TMOD3: variants seen among roughly 807,000 people sequenced by gnomAD.
TMOD3 encodes tropomodulin-3.
Under a neutral mutation model 39.2 loss-of-function variants are expected in TMOD3, and 20 were observed. The observed-to-expected ratio is 0.51, with a 90% confidence interval of 0.36 to 0.74. The LOEUF (loss-of-function observed/expected upper bound fraction) is 0.74, where lower values mean the gene tolerates loss of function less well. Among genes scored for constraint, TMOD3 ranks in the 30% least tolerant of loss-of-function variants. TMOD3 has a pLI of 0.00. For synonymous variants in TMOD3, 143 were observed against 145.8 expected (o/e 0.98, Z 0.14); for missense variants, 381 against 412.8 (o/e 0.92, Z 0.67).
At chr15:51,853,152 C>T (rs2056370737) in intron 1 of TMOD3, among the ~76,000 whole-genome samples, 1 of 152,142 alleles carries the variant, frequency 6.6e-6, no homozygotes, top group South Asian at 2.1e-4. Flanking sequence ...TCTTGGTGAA[C>T]ATTGAGAAGA....
At chr15:51,887,509 A>T in intron 3 of TMOD3, 80 bp from the exon 4 acceptor site, 2 of 1,433,130 alleles carry the variant, frequency 1.4e-6, no homozygotes, top group Non-Finnish European at 1.9e-6. Context: ...GTTCAGTTGT[A>T]CATGCTTTGG....
intron 1 of TMOD3, among the ~76,000 whole-genome samples, chr15:51,839,569 G>A (rs773431881): frequency 2.7e-5 from 4 of 149,088 alleles, no homozygotes; most frequent in African/African-American, 7.4e-5. Flanking sequence ...TTTTTTTTTC[G>A]AGACAGGCTT....
At chr15:51,893,004 TATG>T (rs2056601570) in intron 5 of TMOD3, among the ~76,000 whole-genome samples, 2 of 152,134 alleles carry the variant, frequency 1.3e-5, no homozygotes, top group Non-Finnish European at 2.9e-5. Flanking sequence ...GTGCTTTAAA[TATG>T]TGTCAAGGCC....
chr15:51,846,162 A>C (rs2056334814), intron 1 of TMOD3, among the ~76,000 whole-genome samples: 1 of 151,340 alleles, frequency 6.6e-6, no homozygotes, highest in African/African-American at 2.4e-5. Context: ...CCAAAAAAAA[A>C]AAAAATACAA....
At chr15:51,885,742 C>G (rs977891553) in intron 3 of TMOD3, among the ~76,000 whole-genome samples, 1 of 152,230 alleles carries the variant, frequency 6.6e-6, no homozygotes, top group Non-Finnish European at 1.5e-5. Context: ...CCCACATTTC[C>G]CCCTTTTGTA....
At chr15:51,891,493 C>T (rs2056593282) in intron 5 of TMOD3, among the ~76,000 whole-genome samples, 1 of 152,068 alleles carries the variant, frequency 6.6e-6, no homozygotes, top group Non-Finnish European at 1.5e-5. Flanking sequence ...CTAATCCTTC[C>T]TCTTTGGGGG....
At chr15:51,884,897 C>T (rs1363190343) in intron 3 of TMOD3, among the ~76,000 whole-genome samples, 1 of 152,198 alleles carries the variant, frequency 6.6e-6, no homozygotes, top group African/African-American at 2.4e-5. Flanking sequence ...AATAAAACTT[C>T]ATGTTGTTTG....
rs1319022101 is a variant in TMOD3, at chr15:51,909,587, A to G, written c.*777A>G. 1 of 152,062 alleles carries G rather than the reference A, an allele frequency of 6.6e-6. No homozygotes were observed. Among genetic ancestry groups the G allele is most frequent in the African/African-American group, 2.4e-5 (1 of 41,326 alleles). The allele number at this position is 152,062 out of a possible 1,614,324, so 9.4% of individuals were successfully genotyped here. A position where few individuals can be genotyped will look rare whatever the true frequency, so the allele number is the denominator to read the frequency against. On this transcript the variant is annotated 3_prime_UTR_variant, in exon 10 of 10. Transcript: ENST00000308580. Reference sequence around the variant, plus strand: ...GTAAAAAATAAAAGCTGTTTTCACCACCTCCCTCCCCACCCCCCAAAAAAG... The same window carrying G: ...GTAAAAAATAAAAGCTGTTTTCACCGCCTCCCTCCCCACCCCCCAAAAAAG...
intron 1 of TMOD3, among the ~76,000 whole-genome samples, chr15:51,844,333 C>G (rs144578374): frequency 0.013 from 1,976 of 152,240 alleles, 22 homozygotes; most frequent in Non-Finnish European, 0.02. Context: ...AAAAGTGGGT[C>G]ACAGTTGAGG....
At chr15:51,866,094 T>C (rs781016335) in intron 2 of TMOD3, among the ~76,000 whole-genome samples, 3 of 152,186 alleles carry the variant, frequency 2.0e-5, no homozygotes, top group Non-Finnish European at 4.4e-5. Flanking sequence ...TTAGAACATA[T>C]TTCTAATGAA....
intron 9 of TMOD3, among the ~76,000 whole-genome samples, chr15:51,903,099 A>G (rs2056661389): frequency 6.6e-6 from 1 of 152,174 alleles, no homozygotes; most frequent in Admixed American, 6.5e-5. Context: ...CCCAGGTTTT[A>G]TAGTCTGGTA....
intron 3 of TMOD3, among the ~76,000 whole-genome samples, chr15:51,880,337 A>G (rs2056526554): frequency 6.6e-6 from 1 of 152,140 alleles, no homozygotes; most frequent in Non-Finnish European, 1.5e-5. Flanking sequence ...TAAAGGTGAT[A>G]TAATTCCCAT....
intron 1 of TMOD3, among the ~76,000 whole-genome samples, chr15:51,839,545 C>T (rs569124538): frequency 7.9e-5 from 12 of 151,340 alleles, no homozygotes; most frequent in African/African-American, 2.9e-4. Flanking sequence ...GTATAATAGT[C>T]AATTCAGAGC....
intron 1 of TMOD3, chr15:51,860,844 G>A (rs555177241): frequency 8.1e-5 from 30 of 370,368 alleles, no homozygotes; most frequent in Non-Finnish European, 1.5e-4. Context: ...GCTGAGACAG[G>A]AGAATTGCTT....
intron 1 of TMOD3, chr15:51,859,620 CT>C (rs2141681731): frequency 1.9e-6 from 1 of 539,802 alleles, no homozygotes. Context: ...GTCTTCTTGG[CT>C]TTTGGCACCT....
At chr15:51,902,864 G>T (rs1045548263) in intron 9 of TMOD3, among the ~76,000 whole-genome samples, 1 of 151,970 alleles carries the variant, frequency 6.6e-6, no homozygotes, top group Admixed American at 6.6e-5. Flanking sequence ...TGTTAGCCAG[G>T]ATGGTCTCGA....
intron 3 of TMOD3, among the ~76,000 whole-genome samples, chr15:51,883,494 G>A (rs867919875): frequency 4.6e-5 from 7 of 152,204 alleles, no homozygotes; most frequent in South Asian, 2.1e-4. Flanking sequence ...GTTGTTTATA[G>A]TGTGTAACTT....
chr15:51,862,734 C>A, intron 1 of TMOD3, 77 bp from the exon 2 acceptor site: 1 of 596,228 alleles, frequency 1.7e-6, no homozygotes, highest in Non-Finnish European at 2.6e-6. Context: ...AATTACATTT[C>A]ACTTAACCTG....
At chr15:51,861,089 G>A in intron 1 of TMOD3, 1 of 591,684 alleles carries the variant, frequency 1.7e-6, no homozygotes, top group Admixed American at 2.2e-5. Flanking sequence ...TTCTTCTCTG[G>A]ATCTGTTCGA....
Sources: allele counts gnomAD v4.1 joint callset (sites outside exome capture counted in the v4.1 genomes callset), GRCh38; gene constraint gnomAD v4.1.1; transcripts MANE v1.5; gene names NCBI Gene and HGNC (gene_info 2026-07-23, HGNC 2026-07-21).